PCDH15: variants seen among roughly 807,000 people sequenced by gnomAD.
The protein encoded by PCDH15 is protocadherin related 15, also known as protocadherin-15.
Under a neutral mutation model 178.5 loss-of-function variants are expected in PCDH15, and 129 were observed. The ratio of observed to expected loss-of-function variants is 0.72; its 90% confidence interval spans 0.63 to 0.84. The LOEUF (loss-of-function observed/expected upper bound fraction) is 0.84, where lower values mean the gene tolerates loss of function less well. Among genes scored for constraint, PCDH15 ranks in the 40% least tolerant of loss-of-function variants. The pLI is 0.00. For missense variants in PCDH15, 2,230 were observed against 2,099.9 expected (o/e 1.06, Z -1.21); for synonymous variants, 800 against 732.0 (o/e 1.09, Z -1.50).
intron 1 of PCDH15, among the ~76,000 whole-genome samples, chr10:54,697,517 A>ATG (rs2095246273): frequency 6.9e-6 from 1 of 144,378 alleles, no homozygotes; most frequent in South Asian, 2.1e-4. Flanking sequence ...AAATGTGTGT[A>ATG]TATATATATA....
At chr10:55,048,789 A>G (rs1841080027) in intron 2 of PCDH15, among the ~76,000 whole-genome samples, 1 of 151,888 alleles carries the variant, frequency 6.6e-6, no homozygotes, top group African/African-American at 2.4e-5. Flanking sequence ...CATTTGTATT[A>G]TTTCAGTTTT....
intron 2 of PCDH15, among the ~76,000 whole-genome samples, chr10:55,434,079 T>TTC (rs1838964153): frequency 2.4e-5 from 3 of 123,296 alleles, no homozygotes; most frequent in Non-Finnish European, 4.9e-5. Flanking sequence ...TTTCTTTTCT[T>TTC]TTTTTTTTTT....
chr10:54,895,880 G>T (rs776637677), intron 3 of PCDH15, among the ~76,000 whole-genome samples: 1 of 151,904 alleles, frequency 6.6e-6, no homozygotes, highest in Non-Finnish European at 1.5e-5. Context: ...AAATAGCTAA[G>T]GGTATCTAAG....
intron 21 of PCDH15, among the ~76,000 whole-genome samples, chr10:53,990,686 C>T (rs1029082101): frequency 1.7e-4 from 26 of 152,024 alleles, no homozygotes; most frequent in South Asian, 4.1e-4. Context: ...AGCGCCTCCT[C>T]GGACTCGGCG....
intron 3 of PCDH15, among the ~76,000 whole-genome samples, chr10:54,516,414 C>A (rs977509334): frequency 2.7e-4 from 41 of 151,904 alleles, no homozygotes; most frequent in Non-Finnish European, 5.7e-4. Flanking sequence ...GTGAAGAATG[C>A]AGAAGCCTCA....
intron 37 of PCDH15, chr10:53,808,372 CAG>C (rs2075736792): frequency 2.2e-5 from 21 of 950,146 alleles, no homozygotes; most frequent in Non-Finnish European, 2.7e-5. Context: ...TTCCAATAGA[CAG>C]AGTGTCACTG....
At chr10:55,573,507 A>G (rs1842444336) in intron 2 of PCDH15, among the ~76,000 whole-genome samples, 1 of 152,114 alleles carries the variant, frequency 6.6e-6, no homozygotes. Context: ...TTTATTGTAT[A>G]TTAGGGAATT....
intron 2 of PCDH15, among the ~76,000 whole-genome samples, chr10:55,424,041 T>C (rs1048550028): frequency 1.3e-5 from 2 of 152,084 alleles, no homozygotes; most frequent in Non-Finnish European, 2.9e-5. Context: ...TCTCAAACTA[T>C]TTTGTCCAGA....
At chr10:55,370,407 A>G (rs1016744377) in intron 2 of PCDH15, among the ~76,000 whole-genome samples, 6 of 152,120 alleles carry the variant, frequency 3.9e-5, no homozygotes, top group Non-Finnish European at 8.8e-5. Flanking sequence ...TTAACCACTA[A>G]TCATGCCTTT....
At position 54,317,422 on chromosome 10, in the gene PCDH15, T is replaced by G. The variant is rs775673790; in HGVS notation, c.725A>C (p.Asn242Thr). ...AGTGGTGGTGGTGGTTCGCCTCTCATTCAGATTTTGGGCACGGTCCTGTTA... is the reference window on the plus strand; with the variant it reads ...AGTGGTGGTGGTGGTTCGCCTCTCAGTCAGATTTTGGGCACGGTCCTGTTA... The part of the protein sequence containing the change: ...IQANDRAQNL[N>T]ERRTTTTTLT... Residue 242 changes from asparagine (N) to threonine (T), a missense_variant, in exon 8 of 38, where the codon AAT becomes ACT. By Grantham distance (65) the Asn-to-Thr change is moderately conservative (BLOSUM62 0). Coordinates refer to ENST00000644397, the MANE Select transcript of PCDH15 (RefSeq NM_001384140.1). 8 of 1,613,786 alleles carry G rather than the reference T, an allele frequency of 5.0e-6. No individual in the cohort carries two copies. The South Asian group carries it at 5.5e-5, about 11-fold the overall frequency.
chr10:53,841,368 T>C (rs376079004), intron 28 of PCDH15, among the ~76,000 whole-genome samples: 70 of 152,286 alleles, frequency 4.6e-4, no homozygotes, highest in South Asian at 2.5e-3. Context: ...TTTCTGAGTC[T>C]ATATTTTGAG....
In PCDH15 at chr10:55,214,331, A is replaced by G. The variant is rs533983313; in HGVS notation, c.-155-47680T>C. Among the ~76,000 whole-genome samples, 27 of 65,260 alleles carry G rather than the reference A, an allele frequency of 4.1e-4. No individual in the cohort carries two copies. The East Asian group carries it at 0.011, about 26-fold the overall frequency. The allele number at this position is 65,260 out of a possible 152,430, so 42.8% of individuals were successfully genotyped here. ...TTTTTATTATTATTTTCATAGACTA[A>G]CTACTGAGAGAGGTATGACAAAGTT... On this transcript the variant is annotated intron_variant, in intron 1 of 5. Transcript: ENST00000458638.
chr10:55,107,785 C>T (rs554767500), intron 2 of PCDH15, among the ~76,000 whole-genome samples: 4 of 151,658 alleles, frequency 2.6e-5, no homozygotes, highest in Middle Eastern at 3.4e-3. Flanking sequence ...GCGTGAATCA[C>T]CACATCCGGC....
chr10:54,275,008 G>T (rs1403096367), intron 8 of PCDH15, among the ~76,000 whole-genome samples: 1 of 151,694 alleles, frequency 6.6e-6, no homozygotes, highest in Non-Finnish European at 1.5e-5. Flanking sequence ...AGCCATAAAA[G>T]AAAATAAAAG....
At chr10:54,105,341 C>T (rs11004069) in intron 15 of PCDH15, among the ~76,000 whole-genome samples, 27 of 27,034 alleles carry the variant, frequency 1.0e-3, no homozygotes, top group Non-Finnish European at 1.3e-3. Flanking sequence ...CATATATATA[C>T]ACACACACAC....
At chr10:54,110,253 A>G (rs1373122560) in intron 15 of PCDH15, among the ~76,000 whole-genome samples, 1 of 151,934 alleles carries the variant, frequency 6.6e-6, no homozygotes, top group African/African-American at 2.4e-5. Context: ...TACTTAGTAC[A>G]TAAATACAAT....
intron 1 of PCDH15, among the ~76,000 whole-genome samples, chr10:54,731,022 A>G (rs1269455162): frequency 6.6e-6 from 1 of 151,464 alleles, no homozygotes; most frequent in Non-Finnish European, 1.5e-5. Flanking sequence ...CTGGCAAGAG[A>G]TTAACAACCA....
At chr10:55,052,725 A>C (rs2131989682) in intron 2 of PCDH15, among the ~76,000 whole-genome samples, 1 of 151,868 alleles carries the variant, frequency 6.6e-6, no homozygotes, top group South Asian at 2.1e-4. Context: ...CAAAATAATT[A>C]ATAATAATAA....
chr10:54,399,555 G>A (rs904555344), intron 3 of PCDH15, among the ~76,000 whole-genome samples: 2 of 152,120 alleles, frequency 1.3e-5, no homozygotes, highest in Admixed American at 1.3e-4. Context: ...AAGGGTGAAA[G>A]TCTAAATGAA....
Sources: allele counts gnomAD v4.1 joint callset (sites outside exome capture counted in the v4.1 genomes callset), GRCh38; gene constraint gnomAD v4.1.1; transcripts MANE v1.5; gene names NCBI Gene and HGNC (gene_info 2026-07-23, HGNC 2026-07-21).